ZC3H8: variants seen among roughly 807,000 people sequenced by gnomAD.
The protein encoded by ZC3H8 is zinc finger CCCH domain-containing protein 8.
A neutral mutation model predicts 42.5 loss-of-function variants in ZC3H8; 27 were observed. The observed-to-expected ratio is 0.64, with a 90% CI of 0.47 to 0.88. ZC3H8 has a LOEUF of 0.88. Ranked by LOEUF, ZC3H8 falls within the 40% of genes least tolerant of loss-of-function variation. The probability of loss-of-function intolerance (pLI) is 0.00; values close to 1 mark genes in which losing one functional copy is unlikely to be tolerated. For missense variants in ZC3H8, 277 were observed against 336.1 expected (o/e 0.82, Z 1.37); for synonymous variants, 101 against 110.1 (o/e 0.92, Z 0.52).
intron 1 of ZC3H8, 48 bp from the exon 2 acceptor site, chr2:112,250,320 G>C (rs987765213): frequency 7.2e-7 from 1 of 1,397,792 alleles, no homozygotes; most frequent in Non-Finnish European, 9.8e-7. Flanking sequence ...TCAACCTGAA[G>C]TGTTCATACC....
chr2:112,254,363 C>T (rs1308805134), intron 1 of ZC3H8, among the ~76,000 whole-genome samples: 1 of 152,228 alleles, frequency 6.6e-6, no homozygotes. Flanking sequence ...CAAATGACGT[C>T]TGTTGCTTTA....
chr2:112,224,828 A>G (rs1301816218), intron 8 of ZC3H8, among the ~76,000 whole-genome samples: 1 of 152,218 alleles, frequency 6.6e-6, no homozygotes, highest in East Asian at 1.9e-4. Flanking sequence ...AAGGAGAAGA[A>G]TGAATTGTAG....
intron 2 of ZC3H8, among the ~76,000 whole-genome samples, chr2:112,239,579 CTTTTTTTT>C (rs200972008): frequency 6.5e-4 from 56 of 86,486 alleles, no homozygotes; most frequent in African/African-American, 2.3e-3. Flanking sequence ...TAACAGTTTA[CTTTTTTTT>C]TTTTTTTTTT....
intron 2 of ZC3H8, among the ~76,000 whole-genome samples, chr2:112,246,899 G>T (rs1685784228): frequency 6.6e-6 from 1 of 152,174 alleles, no homozygotes; most frequent in Admixed American, 6.5e-5. Context: ...GTCAATTGAG[G>T]TGACAAACTT....
intron 8 of ZC3H8, among the ~76,000 whole-genome samples, chr2:112,218,663 C>T (rs1157571911): frequency 6.6e-6 from 1 of 152,090 alleles, no homozygotes; most frequent in Non-Finnish European, 1.5e-5. Flanking sequence ...TGGAGATTCA[C>T]TACAATTTGG....
chr2:112,241,690 C>T (rs1278408215), intron 2 of ZC3H8, among the ~76,000 whole-genome samples: 2 of 152,188 alleles, frequency 1.3e-5, no homozygotes, highest in Non-Finnish European at 2.9e-5. Flanking sequence ...TCATGTATCA[C>T]ATTATAGTTG....
intron 8 of ZC3H8, among the ~76,000 whole-genome samples, chr2:112,229,235 T>C (rs1398643098): frequency 6.6e-6 from 1 of 152,154 alleles, no homozygotes; most frequent in Non-Finnish European, 1.5e-5. Context: ...AGATTGGTTA[T>C]CCATGTGGGA....
chr2:112,237,564 A>C (rs1685392654), intron 3 of ZC3H8, among the ~76,000 whole-genome samples: 1 of 148,456 alleles, frequency 6.7e-6, no homozygotes, highest in East Asian at 1.9e-4. Context: ...AAAAAATGAC[A>C]GCATTAAAAT....
chr2:112,232,414 T>G (rs1355165614), intron 6 of ZC3H8, among the ~76,000 whole-genome samples: 1 of 151,952 alleles, frequency 6.6e-6, no homozygotes, highest in Non-Finnish European at 1.5e-5. Flanking sequence ...TTTAAAAATC[T>G]AATTTTAGAA....
intron 2 of ZC3H8, among the ~76,000 whole-genome samples, chr2:112,247,970 G>A (rs989969384): frequency 1.1e-4 from 17 of 152,242 alleles, no homozygotes; most frequent in African/African-American, 3.9e-4. Context: ...TTGGGTAGCT[G>A]AGAGGCTTCC....
rs574513093 is a variant in ZC3H8 at position 112,239,504 on chromosome 2, AAAAC to A, written c.157-980_157-977del. ...CACATGATAACTAAGAAGCAAACTC[AAAAC>A]AAACAGACAAAAAACAAAACAGAAG... On this transcript the variant is annotated intron_variant, in intron 2 of 8. Transcript: ENST00000409573. Among the ~76,000 whole-genome samples, 21 of 152,258 alleles carry A rather than the reference AAAAC, an allele frequency of 1.4e-4. No homozygotes were observed. In the East Asian group the frequency reaches 3.7e-3, roughly 27 times the overall value.
chr2:112,237,445 C>T (rs1469650515), intron 3 of ZC3H8, among the ~76,000 whole-genome samples: 3 of 152,088 alleles, frequency 2.0e-5, no homozygotes, highest in African/African-American at 4.8e-5. Flanking sequence ...TTTATCTATC[C>T]GTGCACGCAT....
intron 3 of ZC3H8, among the ~76,000 whole-genome samples, 192 bp from the exon 4 acceptor site, chr2:112,236,887 G>T (rs1014119434): frequency 1.3e-5 from 2 of 152,212 alleles, no homozygotes; most frequent in African/African-American, 2.4e-5. Flanking sequence ...GCAGCCTAGA[G>T]ATCTTGTCTC....
chr2:112,253,362 C>T, intron 1 of ZC3H8, among the ~76,000 whole-genome samples: 1 of 152,068 alleles, frequency 6.6e-6, no homozygotes, highest in Non-Finnish European at 1.5e-5. Flanking sequence ...GTGCTCAATA[C>T]GATTTTTTGA....
rs1684246772 is a variant in ZC3H8 at position 112,214,288 on chromosome 2, C to T, written c.*2196G>A. On this transcript the variant is annotated 3_prime_UTR_variant, in exon 9 of 9. Transcript: ENST00000409573. ...AATTATTGAGAGATTTTGCCTCCTG[C>T]TTCCTTTCTGGTATTGAGAGGTAAG... 1 of 152,106 alleles carries T rather than the reference C, an allele frequency of 6.6e-6. No homozygotes were observed. The allele number at this position is 152,106 out of a possible 1,614,324, so 9.4% of individuals were successfully genotyped here.
rs1043029188 is a variant in ZC3H8 at position 112,215,206 on chromosome 2, T to C, written c.*1278A>G. ...AAATTAAGCATTCCTATTTATTCCC[T>C]TTCTATGCAATGAATTGCATTATCC... On this transcript the variant is annotated 3_prime_UTR_variant, in exon 9 of 9. Transcript: ENST00000409573. The C allele has an allele frequency of 6.6e-6, 1 of 152,202 alleles. No individual in the cohort carries two copies. The highest frequency in any genetic ancestry group is 2.4e-5 in the African/African-American group (1 of 41,442). The allele number at this position is 152,202 out of a possible 1,614,324, so 9.4% of individuals were successfully genotyped here. A position where few individuals can be genotyped will look rare whatever the true frequency, so the allele number is the denominator to read the frequency against.
intron 8 of ZC3H8, among the ~76,000 whole-genome samples, chr2:112,228,425 C>T (rs1201124420): frequency 6.6e-6 from 1 of 151,458 alleles, no homozygotes; most frequent in Non-Finnish European, 1.5e-5. Flanking sequence ...TCACTTGAAC[C>T]TGGGAGGCAG....
At chr2:112,238,616 C>G in intron 2 of ZC3H8, 88 bp from the exon 3 acceptor site, 2 of 1,111,380 alleles carry the variant, frequency 1.8e-6, no homozygotes, top group Non-Finnish European at 2.6e-6. Context: ...TGGCTATAAA[C>G]TGGTCATTGT....
chr2:112,224,444 C>T (rs1684729233), intron 8 of ZC3H8, among the ~76,000 whole-genome samples: 1 of 152,130 alleles, frequency 6.6e-6, no homozygotes, highest in South Asian at 2.1e-4. Flanking sequence ...AATTGCAGGA[C>T]ACATTGTATT....
Sources: gnomAD v4.1 joint callset for allele counts (sites outside exome capture counted in the v4.1 genomes callset) on GRCh38, gnomAD v4.1.1 for gene constraint, MANE v1.5 for transcripts, NCBI Gene and HGNC (gene_info 2026-07-23, HGNC 2026-07-21) for gene names.